The following GDPD3 variants were observed in gnomAD, a reference collection of about 807,000 sequenced individuals.
The protein encoded by GDPD3 is glycerophosphodiester phosphodiesterase domain containing 3.
A neutral mutation model predicts 43.7 loss-of-function variants in GDPD3; 40 were observed. The observed-to-expected ratio is 0.91, with a 90% CI of 0.71 to 1.19. The LOEUF is 1.19. GDPD3 is among the 50% of genes most tolerant of loss of function. The pLI is 0.00. For missense variants in GDPD3, 363 were observed against 415.8 expected, an observed-to-expected ratio of 0.87 and a Z score of 1.11; for synonymous variants, 145 against 162.9, an observed-to-expected ratio of 0.89 and a Z score of 0.84.
intron 9 of GDPD3, 85 bp from the exon 10 acceptor site, chr16:30,105,094 C>T: frequency 8.8e-7 from 1 of 1,131,680 alleles, no homozygotes; most frequent in South Asian, 1.4e-5. Flanking sequence ...TATGGAGACT[C>T]CCCAGCAGCA....
rs140159790 is a variant in GDPD3 at position 30,111,515 on chromosome 16, C to T, written c.580G>A (p.Glu194Lys). The change falls in exon 7 of 10, where the codon GAG (glutamate) becomes AAG (lysine). Residue 194 changes from glutamate to lysine, a missense_variant. Coordinates refer to ENST00000406256, the MANE Select transcript of GDPD3 (RefSeq NM_024307.3). ...VMKKCKAANP[E>K]MPLSFTISRG... is the part of the protein sequence containing the mutation. Reference sequence around the variant, plus strand: ...CTTATTGTGAAGGACAGGGGCATCTCGGGGTTCTGGGGAGGCAAGGAGAGG... The same window carrying T: ...CTTATTGTGAAGGACAGGGGCATCTTGGGGTTCTGGGGAGGCAAGGAGAGG... The T allele has an allele frequency of 6.3e-5, 101 of 1,613,728 alleles. No individual in the cohort carries two copies. The highest frequency in any genetic ancestry group is 7.9e-5 in the Non-Finnish European group (93 of 1,179,850).
At chr16:30,106,510 G>C (rs2072861995) in intron 9 of GDPD3, among the ~76,000 whole-genome samples, 1 of 152,058 alleles carries the variant, frequency 6.6e-6, no homozygotes, top group Non-Finnish European at 1.5e-5. Context: ...TGGGCACTGA[G>C]GTAGGCGGAG....
At position 30,111,193 on chromosome 16, in the gene GDPD3, C is replaced by T. The variant is rs964316417; in HGVS notation, c.707+195G>A. 8.2e-6 allele frequency: 5 copies of T among 611,976 alleles called. No individual in the cohort carries two copies. In the African/African-American group the frequency reaches 9.3e-5, roughly 11 times the overall value. 37.9% of individuals were successfully genotyped at this position (611,976 alleles called of 1,614,324 possible). A position where few individuals can be genotyped will look rare whatever the true frequency, so the allele number is the denominator to read the frequency against. ...GATAAATTACCTCTCTATCCTAAAA[C>T]TCCACATATGCACAGAATTTCAGGG... is the stretch of plus-strand genomic sequence containing the variant. On this transcript the variant is annotated intron_variant, in intron 7 of 9. Coordinates refer to ENST00000406256, the MANE Select transcript of GDPD3 (RefSeq NM_024307.3).
chr16:30,109,360 AT>A (rs2072883984), intron 7 of GDPD3, among the ~76,000 whole-genome samples: 1 of 152,136 alleles, frequency 6.6e-6, no homozygotes, highest in Non-Finnish European at 1.5e-5. Context: ...AAATACAAAA[AT>A]TAGCCGGGCG....
chr16:30,112,940 G>A lies in GDPD3; in HGVS notation c.182+82C>T. On this transcript the variant is annotated intron_variant, in intron 2 of 9. Transcript: ENST00000406256. This position sits in a 1 kb window ranked among gnomAD's most constrained non-coding sequence, Gnocchi z 5.4. ...GGGGCGCCAGTCACCCAGCTAGGAA[G>A]TGAATGGCGTCCCTTGCTGTGATGC... The A allele has an allele frequency of 2.0e-6, 3 of 1,509,344 alleles. No individual in the cohort carries two copies. Among genetic ancestry groups the A allele is most frequent in the African/African-American group, 1.4e-5 (1 of 73,186 alleles). 93.5% of individuals were successfully genotyped at this position (1,509,344 alleles called of 1,614,324 possible). A position where few individuals can be genotyped will look rare whatever the true frequency, so the allele number is the denominator to read the frequency against.
chr16:30,107,021 T>G lies in GDPD3; in HGVS notation c.819+1192A>C, dbSNP rs139991621. ...ACTGCACCCTGCCTCTGCATTTTTC[T>G]TTTCTTTCCCTTTTCCTTTCCTTTT... On this transcript the variant is annotated intron_variant, in intron 9 of 9. Coordinates refer to ENST00000406256, the MANE Select transcript of GDPD3 (RefSeq NM_024307.3). Among the ~76,000 whole-genome samples the G allele has an allele frequency of 2.9e-3, 444 of 152,024 alleles. 4 individuals carry two copies. Among genetic ancestry groups the G allele is most frequent in the African/African-American group, 9.8e-3 (406 of 41,484 alleles).
At chr16:30,107,894 G>A (rs964429203) in intron 9 of GDPD3, 2 of 180,288 alleles carry the variant, frequency 1.1e-5, no homozygotes, top group African/African-American at 2.4e-5. Flanking sequence ...GGAGGCTGAA[G>A]CAGGAGAATC....
chr16:30,109,319 G>C (rs757912911), intron 7 of GDPD3, among the ~76,000 whole-genome samples: 10 of 152,180 alleles, frequency 6.6e-5, no homozygotes, highest in Non-Finnish European at 8.8e-5. Context: ...AGACCAGCGT[G>C]GCCAACATGG....
intron 7 of GDPD3, chr16:30,110,860 CA>C (rs10523466): frequency 1.9e-3 from 166 of 88,378 alleles, no homozygotes; most frequent in Non-Finnish European, 1.8e-3. Flanking sequence ...AAGACTGTCT[CA>C]AAAAAAAAAA....
Position 30,112,576 on chromosome 16 carries a change from G to A in GDPD3, c.319-8C>T, listed in dbSNP as rs1388695863. The A allele has an allele frequency of 6.2e-7, 1 of 1,614,156 alleles. No homozygotes were observed. Among genetic ancestry groups the A allele is most frequent in the Non-Finnish European group, 8.5e-7 (1 of 1,180,018 alleles). On this transcript the variant is annotated splice_region_variant and splice_polypyrimidine_tract_variant and intron_variant, in intron 3 of 9. Transcript: ENST00000406256. This position sits in a 1 kb window ranked among gnomAD's most constrained non-coding sequence, Gnocchi z 5.4. ...CTTGTAGAGGGGCAGGTCCTGGGGAGGACAGGAAGGATGTCACTAGAGGCC... is the reference window on the plus strand; with the variant it reads ...CTTGTAGAGGGGCAGGTCCTGGGGAAGACAGGAAGGATGTCACTAGAGGCC...
At position 30,113,176 on chromosome 16, in the gene GDPD3, C is replaced by T; in HGVS notation, c.140-112G>A. 1 of 1,354,208 alleles carries T rather than the reference C, an allele frequency of 7.4e-7. No homozygotes were observed. Among genetic ancestry groups the T allele is most frequent in the Non-Finnish European group, 1.0e-6 (1 of 976,156 alleles). 83.9% of individuals were successfully genotyped at this position (1,354,208 alleles called of 1,614,324 possible). On this transcript the variant is annotated intron_variant, in intron 1 of 9. Transcript: ENST00000406256. This position sits in a 1 kb window ranked among gnomAD's most constrained non-coding sequence, Gnocchi z 5.9. ...CATCCTCCCTCTGGCCTCACCTCCCCAGCCAGCCCAGGCTGCGCCAGCATC... is the reference window on the plus strand; with the variant it reads ...CATCCTCCCTCTGGCCTCACCTCCCTAGCCAGCCCAGGCTGCGCCAGCATC...
intron 9 of GDPD3, 193 bp downstream of exon 9, chr16:30,108,020 A>C (rs1311716141): frequency 9.5e-6 from 5 of 525,470 alleles, no homozygotes; most frequent in African/African-American, 2.0e-5. Context: ...CACACACAGA[A>C]GAAGAAAATT....
rs755301080 is a variant in GDPD3, at chr16:30,112,107, A to T, written c.573+25T>A. The T allele has an allele frequency of 2.1e-5, 33 of 1,580,016 alleles. No individual in the cohort carries two copies. In the South Asian group the frequency reaches 3.5e-4, roughly 17 times the overall value. On this transcript the variant is annotated intron_variant, in intron 6 of 9. Transcript: ENST00000406256. This position sits in a 1 kb window ranked among gnomAD's most constrained non-coding sequence, Gnocchi z 5.4. ...GAGGGGCCCCTGGAGGAGGAAGAGG[A>T]CGGGGGAGGGGTGGGGGGACTCACG...
intron 7 of GDPD3, among the ~76,000 whole-genome samples, chr16:30,108,794 A>C (rs1192519724): frequency 6.6e-6 from 1 of 151,954 alleles, no homozygotes; most frequent in Non-Finnish European, 1.5e-5. Flanking sequence ...GGGCCTGGCC[A>C]GCTTCTTATT....
At chr16:30,105,655 C>T (rs1439672481) in intron 9 of GDPD3, among the ~76,000 whole-genome samples, 1 of 150,524 alleles carries the variant, frequency 6.6e-6, no homozygotes, top group Non-Finnish European at 1.5e-5. Flanking sequence ...CAGATGTCCG[C>T]CACCACGCCC....
chr16:30,104,916 G>T lies in GDPD3; in HGVS notation c.913C>A (p.Arg305=), dbSNP rs761804438. 3.1e-6 allele frequency: 5 copies of T among 1,612,546 alleles called. No individual in the cohort carries two copies. Among genetic ancestry groups the T allele is most frequent in the Non-Finnish European group, 4.2e-6 (5 of 1,179,968 alleles). ...GVITDYPTAL[R]HYLDNHGPAA... is the part of the protein sequence containing the mutation. ...GGTCCATGGTTGTCCAGGTAGTGCC[G>T]CAGGGCTGTGGGATAATCCGTTATG... Residue 305 remains arginine (R), a synonymous_variant, in exon 10 of 10, where the codon CGG becomes AGG. Coordinates refer to ENST00000406256, the MANE Select transcript of GDPD3 (RefSeq NM_024307.3).
intron 9 of GDPD3, among the ~76,000 whole-genome samples, chr16:30,106,423 A>G (rs904928123): frequency 1.3e-5 from 2 of 152,062 alleles, no homozygotes; most frequent in Non-Finnish European, 2.9e-5. Flanking sequence ...ACTTAACAGC[A>G]CCACCCTCCC....
chr16:30,104,860 A>G lies in GDPD3; in HGVS notation c.*12T>C. The G allele has an allele frequency of 6.2e-7, 1 of 1,611,184 alleles. No individual in the cohort carries two copies. Among genetic ancestry groups the G allele is most frequent in the Non-Finnish European group, 8.5e-7 (1 of 1,179,392 alleles). ...TCAGGAAGAGAAACAGGAGACCTCG[A>G]GGCTTCTGGACTTAGGAGGTCCGGG... On this transcript the variant is annotated 3_prime_UTR_variant, in exon 10 of 10. Coordinates refer to ENST00000406256, the MANE Select transcript of GDPD3 (RefSeq NM_024307.3).
In GDPD3 at chr16:30,112,691, G is replaced by T; in HGVS notation, c.285C>A (p.Gly95=). ...CCAGGCTGCCCACATCCCTGTTTAG[G>T]CCCGACTGGCGGCACAGGTTCTCAT... ...SHDENLCRQS[G]LNRDVGSLDF... is the part of the protein sequence containing the mutation. Residue 95 remains glycine (G), a synonymous_variant, in exon 3 of 10, where the codon GGC becomes GGA. Transcript: ENST00000406256. The surrounding 1 kb of genome is among the most constrained non-coding windows in gnomAD (Gnocchi z 5.4). The T allele has an allele frequency of 1.2e-6, 2 of 1,614,020 alleles. No homozygotes were observed. Among genetic ancestry groups the T allele is most frequent in the Non-Finnish European group, 1.7e-6 (2 of 1,180,006 alleles).
Sources: gnomAD v4.1 joint callset for allele counts (sites outside exome capture counted in the v4.1 genomes callset) on GRCh38, gnomAD v4.1.1 for gene constraint, Gnocchi (gnomAD v3.1) non-coding constraint, MANE v1.5 for transcripts, NCBI Gene and HGNC (gene_info 2026-07-23, HGNC 2026-07-21) for gene names.